The following KRTAP1-3 variants were observed in gnomAD, a reference collection of about 807,000 sequenced individuals.
KRTAP1-3 encodes keratin associated protein 1-3, also known as keratin-associated protein 1-3.
Under a neutral mutation model 11.8 loss-of-function variants are expected in KRTAP1-3, and 10 were observed. The ratio of observed to expected loss-of-function variants is 0.85; its 90% CI spans 0.52 to 1.44. The LOEUF (loss-of-function observed/expected upper bound fraction) is 1.44, where lower values mean the gene tolerates loss of function less well. Among genes scored for constraint, KRTAP1-3 ranks in the 40% most tolerant of loss-of-function variants. The pLI is 0.00. For synonymous variants in KRTAP1-3, 74 were observed against 77.3 expected (o/e 0.96, Z 0.23); for missense variants, 176 against 217.2 (o/e 0.81, Z 1.19).
In KRTAP1-3 at chr17:41,034,096, G is replaced by C; in HGVS notation, c.*222C>G. The C allele has an allele frequency of 1.6e-6, 1 of 633,148 alleles. No individual in the cohort carries two copies. Among genetic ancestry groups the C allele is most frequent in the Non-Finnish European group, 2.5e-6 (1 of 402,114 alleles). 39.2% of individuals were successfully genotyped at this position (633,148 alleles called of 1,614,324 possible). ...AGGTAAATCGGCTTTTTCATTTCTT[G>C]GGTCAAATTTGTATTTTGGCGTCCT... On this transcript the variant is annotated 3_prime_UTR_variant, in exon 1 of 1. Coordinates refer to ENST00000344363, the MANE Select transcript of KRTAP1-3 (RefSeq NM_030966.2).
chr17:41,033,955 C>T lies in KRTAP1-3; in HGVS notation c.*363G>A, dbSNP rs2012505215. The T allele has an allele frequency of 7.5e-6, 2 of 267,236 alleles. No homozygotes were observed. The highest frequency in any genetic ancestry group is 2.2e-5 in the African/African-American group (1 of 45,202). The allele number at this position is 267,236 out of a possible 1,614,324, so 16.6% of individuals were successfully genotyped here. A position where few individuals can be genotyped will look rare whatever the true frequency, so the allele number is the denominator to read the frequency against. On this transcript the variant is annotated 3_prime_UTR_variant, in exon 1 of 1. Transcript: ENST00000344363. ...CCTCTTTCATAGGGGGTGCAATTTG[C>T]AGGACGGTGGGATACAGGAAGTGAG...
Position 41,034,271 on chromosome 17 carries a change from T to G in KRTAP1-3, c.*47A>C. ...CTTGAAGAAATAATTCGTTCATGAA[T>G]GGAACTGAAAGTGGAAATTTCAAGT... On this transcript the variant is annotated 3_prime_UTR_variant, in exon 1 of 1. Coordinates refer to ENST00000344363, the MANE Select transcript of KRTAP1-3 (RefSeq NM_030966.2). The G allele has an allele frequency of 6.6e-7, 1 of 1,521,196 alleles. No homozygotes were observed. The highest frequency in any genetic ancestry group is 1.3e-5 in the South Asian group (1 of 75,790). The allele number at this position is 1,521,196 out of a possible 1,614,324, so 94.2% of individuals were successfully genotyped here. A position where few individuals can be genotyped will look rare whatever the true frequency, so the allele number is the denominator to read the frequency against.
At position 41,034,676 on chromosome 17, in the gene KRTAP1-3, C is replaced by G; in HGVS notation, c.146G>C (p.Ser49Thr). The change falls in exon 1 of 1, where the codon AGC becomes ACC. Residue 49 changes from serine (S) to threonine (T), a missense_variant. Transcript: ENST00000344363. ...GCTGCAGGTCCCACTAGTTGAGAAG[C>G]TAGGAAATCCGCAGAAGCTGGTCTG... ...CCQTSFCGFP[S>T]FSTSGTCSSS... 1.4e-6 allele frequency: 2 copies of G among 1,479,012 alleles called. No individual in the cohort carries two copies. Among genetic ancestry groups the G allele is most frequent in the East Asian group, 2.7e-5 (1 of 37,276 alleles). The allele number at this position is 1,479,012 out of a possible 1,614,324, so 91.6% of individuals were successfully genotyped here.
Position 41,034,192 on chromosome 17 carries a change from C to T in KRTAP1-3, c.*126G>A, listed in dbSNP as rs149626276. On this transcript the variant is annotated 3_prime_UTR_variant, in exon 1 of 1. Transcript: ENST00000344363. ...ATTCTGAGGCCAAAATATTTGGTAA[C>T]CCCCATAAGAAAGACAAAGAAAGGT... The T allele has an allele frequency of 1.3e-3, 1,587 of 1,258,316 alleles. 21 individuals are homozygous for T. The African/African-American group carries it at 0.021, about 17-fold the overall frequency. 77.9% of individuals were successfully genotyped at this position (1,258,316 alleles called of 1,614,324 possible).
Position 41,034,475 on chromosome 17 carries a change from T to G in KRTAP1-3, c.347A>C (p.Glu116Ala). Residue 116 changes from glutamate (E) to alanine (A), a missense_variant, in exon 1 of 1, where the codon GAG (glutamate) becomes GCG (alanine). Coordinates refer to ENST00000344363, the MANE Select transcript of KRTAP1-3 (RefSeq NM_030966.2). The stretch of plus-strand genomic sequence containing the variant: ...ACAGCAGGGGGGCAGGCAGGTACCC[T>G]CCACACGGCAGTCTGGGCGGCACCA... ...IRWCRPDCRV[E>A]GTCLPPCCVV... The G allele has an allele frequency of 6.2e-7, 1 of 1,613,516 alleles. No homozygotes were observed. Among genetic ancestry groups the G allele is most frequent in the Non-Finnish European group, 8.5e-7 (1 of 1,179,990 alleles).
chr17:41,033,984 C>A lies in KRTAP1-3; in HGVS notation c.*334G>T. The A allele has an allele frequency of 3.0e-6, 1 of 328,356 alleles. No homozygotes were observed. Among genetic ancestry groups the A allele is most frequent in the Non-Finnish European group, 5.5e-6 (1 of 181,452 alleles). The allele number at this position is 328,356 out of a possible 1,614,324, so 20.3% of individuals were successfully genotyped here. ...ACGGTGGGATACAGGAAGTGAGTGT[C>A]CTGAGAAGGACAGATGGCTCTTCCA... On this transcript the variant is annotated 3_prime_UTR_variant, in exon 1 of 1. Transcript: ENST00000344363.
chr17:41,034,450 A>C lies in KRTAP1-3; in HGVS notation c.372T>G (p.Cys124Trp). ...AGGTTGGGGGTGTGCAGCTCACCAC[A>C]CAGCAGGGGGGCAGGCAGGTACCCT... ...RVEGTCLPPC[C>W]VVSCTPPTCC... is the part of the protein sequence containing the mutation. Residue 124 changes from cysteine (C) to tryptophan (W), a missense_variant, in exon 1 of 1, where the codon TGT (cysteine) becomes TGG (tryptophan). By Grantham distance (215) the Cys-to-Trp change is radical. Transcript: ENST00000344363. The C allele has an allele frequency of 6.2e-7, 1 of 1,613,788 alleles. No homozygotes were observed. The highest frequency in any genetic ancestry group is 8.5e-7 in the Non-Finnish European group (1 of 1,180,012).
Position 41,034,417 on chromosome 17 carries a change from C to T in KRTAP1-3, c.405G>A (p.Gln135=), listed in dbSNP as rs201961215. ...VVSCTPPTCC[Q]LHHAEASCCR... ...AGCAGGAGGCCTCGGCGTGGTGCAG[C>T]TGGCAGCAGGTTGGGGGTGTGCAGC... The change falls in exon 1 of 1, where the codon CAG becomes CAA. Residue 135 remains glutamine (Q), a synonymous_variant. Coordinates refer to ENST00000344363, the MANE Select transcript of KRTAP1-3 (RefSeq NM_030966.2). The T allele has an allele frequency of 2.3e-4, 379 of 1,613,690 alleles. 1 individual carries two copies. In the African/African-American group the frequency reaches 4.6e-3, roughly 19 times the overall value.
At position 41,034,639 on chromosome 17, in the gene KRTAP1-3, G is replaced by T. The variant is rs1159138324; in HGVS notation, c.183C>A (p.Cys61Ter). 1 of 1,612,850 alleles carries T rather than the reference G, an allele frequency of 6.2e-7. No homozygotes were observed. Among genetic ancestry groups the T allele is most frequent in the Non-Finnish European group, 8.5e-7 (1 of 1,179,704 alleles). ...AGCTGGTCTCACAGCAGCTTGGCTG[G>T]CAGCAACTGGAGCTGCAGGTCCCAC... ...STSGTCSSSC[C>*]QPSCCETSCC... is the part of the protein sequence containing the mutation. Residue 61 changes from cysteine (C) to a stop codon, truncating the protein, a stop_gained, in exon 1 of 1, where the codon TGC (cysteine) becomes TGA (stop). Transcript: ENST00000344363. LOFTEE classifies it high-confidence loss of function.
At position 41,034,048 on chromosome 17, in the gene KRTAP1-3, A is replaced by G. The variant is rs926556186; in HGVS notation, c.*270T>C. The G allele has an allele frequency of 1.8e-5, 9 of 497,694 alleles. No individual in the cohort carries two copies. The highest frequency in any genetic ancestry group is 1.3e-4 in the East Asian group (4 of 30,416). 30.8% of individuals were successfully genotyped at this position (497,694 alleles called of 1,614,324 possible). A position where few individuals can be genotyped will look rare whatever the true frequency, so the allele number is the denominator to read the frequency against. ...GCTGAGACTCAGAGCGTGGGCTTCA[A>G]TGCTTGCAAAGGCTCAGTTTCAAGG... On this transcript the variant is annotated 3_prime_UTR_variant, in exon 1 of 1. Transcript: ENST00000344363.
At position 41,034,521 on chromosome 17, in the gene KRTAP1-3, C is replaced by T; in HGVS notation, c.301G>A (p.Ala101Thr). Residue 101 changes from alanine (A) to threonine (T), a missense_variant, in exon 1 of 1, where the codon GCT becomes ACT. By Grantham distance (58) the Ala-to-Thr change is moderately conservative. Transcript: ENST00000344363. ...IGYGQEGSSG[A>T]VSTRIRWCRP... ...CACCACCTGATACGGGTGCTCACAG[C>T]TCCACTGCTGCCCTCCTGGCCATAG... The T allele has an allele frequency of 1.2e-6, 2 of 1,611,810 alleles. No homozygotes were observed. The highest frequency in any genetic ancestry group is 1.7e-5 in the Admixed American group (1 of 59,882).
Position 41,034,446 on chromosome 17 carries a change from C to T in KRTAP1-3, c.376G>A (p.Val126Met). ...EGTCLPPCCV[V>M]SCTPPTCCQL... ...CAGCAGGTTGGGGGTGTGCAGCTCA[C>T]CACACAGCAGGGGGGCAGGCAGGTA... The change falls in exon 1 of 1, where the codon GTG becomes ATG. Residue 126 changes from valine (V) to methionine (M), a missense_variant. Physicochemically the swap from Val to Met is conservative, Grantham distance 21. Coordinates refer to ENST00000344363, the MANE Select transcript of KRTAP1-3 (RefSeq NM_030966.2). 1 of 1,613,780 alleles carries T rather than the reference C, an allele frequency of 6.2e-7. No homozygotes were observed. Among genetic ancestry groups the T allele is most frequent in the Non-Finnish European group, 8.5e-7 (1 of 1,180,020 alleles).
rs1263302355 is a variant in KRTAP1-3, at chr17:41,034,625, C to T, written c.197G>A (p.Cys66Tyr). 4 of 1,613,366 alleles carry T rather than the reference C, an allele frequency of 2.5e-6. No individual in the cohort carries two copies. The highest frequency in any genetic ancestry group is 1.1e-5 in the South Asian group (1 of 91,050). ...CSSSCCQPSC[C>Y]ETSCCQPSCC... ...GCTTGGCTGGCAGCAGCTGGTCTCA[C>T]AGCAGCTTGGCTGGCAGCAACTGGA... The change falls in exon 1 of 1, where the codon TGT (cysteine) becomes TAT (tyrosine). Residue 66 changes from cysteine to tyrosine, a missense_variant. Transcript: ENST00000344363.
chr17:41,034,200 A>C lies in KRTAP1-3; in HGVS notation c.*118T>G, dbSNP rs147323967. On this transcript the variant is annotated 3_prime_UTR_variant, in exon 1 of 1. Transcript: ENST00000344363. ...GCCAAAATATTTGGTAACCCCCATA[A>C]GAAAGACAAAGAAAGGTTGAAGAAT... 3 of 1,336,270 alleles carry C rather than the reference A, an allele frequency of 2.2e-6. No homozygotes were observed. The African/African-American group carries it at 4.4e-5, about 20-fold the overall frequency. The allele number at this position is 1,336,270 out of a possible 1,614,324, so 82.8% of individuals were successfully genotyped here. A position where few individuals can be genotyped will look rare whatever the true frequency, so the allele number is the denominator to read the frequency against.
rs776362887 is a variant in KRTAP1-3, at chr17:41,034,226, T to A, written c.*92A>T. On this transcript the variant is annotated 3_prime_UTR_variant, in exon 1 of 1. Coordinates refer to ENST00000344363, the MANE Select transcript of KRTAP1-3 (RefSeq NM_030966.2). ...GAAAGACAAAGAAAGGTTGAAGAAT[T>A]TGTTCGTTGTCCATAAGTGCTTGAA... is the stretch of plus-strand genomic sequence containing the variant. 2.1e-4 allele frequency: 304 copies of A among 1,454,112 alleles called. No individual in the cohort carries two copies. Among genetic ancestry groups the A allele is most frequent in the Non-Finnish European group, 2.6e-4 (284 of 1,086,318 alleles). The allele number at this position is 1,454,112 out of a possible 1,614,324, so 90.1% of individuals were successfully genotyped here.
rs984351512 is a variant in KRTAP1-3 at position 41,033,945 on chromosome 17, G to T, written c.*373C>A. ...GTATATTATTCCTCTTTCATAGGGG[G>T]TGCAATTTGCAGGACGGTGGGATAC... On this transcript the variant is annotated 3_prime_UTR_variant, in exon 1 of 1. Coordinates refer to ENST00000344363, the MANE Select transcript of KRTAP1-3 (RefSeq NM_030966.2). 3.9e-6 allele frequency: 1 copy of T among 256,112 alleles called. No individual in the cohort carries two copies. Among genetic ancestry groups the T allele is most frequent in the Non-Finnish European group, 7.4e-6 (1 of 136,002 alleles). The allele number at this position is 256,112 out of a possible 1,614,324, so 15.9% of individuals were successfully genotyped here. A position where few individuals can be genotyped will look rare whatever the true frequency, so the allele number is the denominator to read the frequency against.
rs2012512549 is a variant in KRTAP1-3, at chr17:41,034,319, T to C, written c.503A>G (p.Ter168=). ...AGTTGAAAATCAGCAAACTGGCTTT[T>C]AGCAGGTGGGCTCACAGGAGTAGCA... ...CCCYSCEPTC[*] The change falls in exon 1 of 1, where the codon TAA becomes TGA. Residue 168 remains the stop codon, a stop_retained_variant. Coordinates refer to ENST00000344363, the MANE Select transcript of KRTAP1-3 (RefSeq NM_030966.2). The C allele has an allele frequency of 6.5e-7, 1 of 1,546,916 alleles. No individual in the cohort carries two copies. The highest frequency in any genetic ancestry group is 1.2e-5 in the South Asian group (1 of 80,094).
chr17:41,034,372 T>C lies in KRTAP1-3; in HGVS notation c.450A>G (p.Gly150=). The C allele has an allele frequency of 3.1e-6, 5 of 1,610,734 alleles. No homozygotes were observed. The highest frequency in any genetic ancestry group is 4.2e-6 in the Non-Finnish European group (5 of 1,178,130). The change falls in exon 1 of 1, where the codon GGA becomes GGG. Residue 150 remains glycine (G), a synonymous_variant. Transcript: ENST00000344363. Reference sequence around the variant, plus strand: ...AGCAGACTGGGCGGCAGCAGGACTGTCCACAGTAGGATGGGCGGCAGCAGG... The same window carrying C: ...AGCAGACTGGGCGGCAGCAGGACTGCCCACAGTAGGATGGGCGGCAGCAGG... ...EASCCRPSYC[G]QSCCRPVCCC... is the part of the protein sequence containing the mutation.
At position 41,034,401 on chromosome 17, in the gene KRTAP1-3, C is replaced by T. The variant is rs1273497625; in HGVS notation, c.421G>A (p.Ala141Thr). ...CAGTAGGATGGGCGGCAGCAGGAGG[C>T]CTCGGCGTGGTGCAGCTGGCAGCAG... Reference protein sequence around the residue: ...PTCCQLHHAEASCCRPSYCGQ... With the variant: ...PTCCQLHHAETSCCRPSYCGQ... The change falls in exon 1 of 1, where the codon GCC (alanine) becomes ACC (threonine). Residue 141 changes from alanine to threonine, a missense_variant. Transcript: ENST00000344363. The T allele has an allele frequency of 6.2e-7, 1 of 1,613,248 alleles. No homozygotes were observed. The highest frequency in any genetic ancestry group is 8.5e-7 in the Non-Finnish European group (1 of 1,179,570).
Sources: allele counts gnomAD v4.1 joint callset, GRCh38; gene constraint gnomAD v4.1.1; transcripts MANE v1.5; gene names NCBI Gene and HGNC (gene_info 2026-07-23, HGNC 2026-07-21).